The following TMEFF1 variants were observed in gnomAD, a reference collection of about 807,000 sequenced individuals.
TMEFF1 encodes the protein transmembrane protein with EGF like and two follistatin like domains 1, also known as tomoregulin-1.
In TMEFF1, 20 loss-of-function variants were observed where a neutral mutation model predicts 47.5. That is an observed-to-expected ratio of 0.42 (90% confidence interval 0.30 to 0.61). The LOEUF (loss-of-function observed/expected upper bound fraction) is 0.61, where lower values mean the gene tolerates loss of function less well. TMEFF1 is among the 20% of genes least tolerant of loss of function. The probability of loss-of-function intolerance (pLI) is 0.19; values close to 1 mark genes in which losing one functional copy is unlikely to be tolerated. For synonymous variants in TMEFF1, 162 were observed against 166.3 expected (o/e 0.97, Z 0.20); for missense variants, 411 against 471.1 (o/e 0.87, Z 1.18).
chr9:100,501,738 G>A (rs1053849539), intron 2 of TMEFF1, among the ~76,000 whole-genome samples: 2 of 152,014 alleles, frequency 1.3e-5, no homozygotes, highest in African/African-American at 4.8e-5. Context: ...TCCGCCTCCC[G>A]GGTTCAAATG....
chr9:100,529,030 C>T (rs1324258311), intron 5 of TMEFF1, among the ~76,000 whole-genome samples: 2 of 149,780 alleles, frequency 1.3e-5, no homozygotes, highest in Non-Finnish European at 3.0e-5. Flanking sequence ...ACTTTGCAGA[C>T]AAGCAAATGC....
intron 5 of TMEFF1, among the ~76,000 whole-genome samples, chr9:100,533,726 T>C (rs1174290165): frequency 6.6e-6 from 1 of 152,136 alleles, no homozygotes. Flanking sequence ...TTATTTTATT[T>C]ATTTATTTTT....
chr9:100,518,549 GAAATT>G, intron 5 of TMEFF1: 5 of 966,780 alleles, frequency 5.2e-6, no homozygotes, highest in Non-Finnish European at 6.2e-6. Context: ...GTCAGGCAAG[GAAATT>G]GATGCAACAA....
At chr9:100,479,150 G>A (rs534767668) in intron 1 of TMEFF1, among the ~76,000 whole-genome samples, 1 of 152,312 alleles carries the variant, frequency 6.6e-6, no homozygotes, top group Admixed American at 6.5e-5. Flanking sequence ...TCCCTGTTGT[G>A]TAAAATGTGG....
At chr9:100,566,655 A>G (rs1181903657) in intron 8 of TMEFF1, among the ~76,000 whole-genome samples, 1 of 152,152 alleles carries the variant, frequency 6.6e-6, no homozygotes, top group Non-Finnish European at 1.5e-5. Flanking sequence ...TGTATTCTAC[A>G]GTCCATAATC....
At chr9:100,487,504 G>A (rs1837471512) in intron 1 of TMEFF1, among the ~76,000 whole-genome samples, 1 of 152,130 alleles carries the variant, frequency 6.6e-6, no homozygotes, top group Non-Finnish European at 1.5e-5. Flanking sequence ...GTGTTTTCTA[G>A]GTGGTACACT....
Position 100,498,846 on chromosome 9 carries a change from A to G in TMEFF1, c.278A>G (p.Asp93Gly), listed in dbSNP as rs1457268844. ...GGAGGAGTCTGTAAAGAAGATGGAG[A>G]TGGTTTGAAATGTGCATGCCAATTT... ...KYGGVCKEDG[D>G]GLKCACQFQC... The change falls in exon 2 of 10, where the codon GAT becomes GGT. Residue 93 changes from aspartate (D) to glycine (G), a missense_variant. By Grantham distance (94) the Asp-to-Gly change is moderately conservative. Coordinates refer to ENST00000374879, the MANE Select transcript of TMEFF1 (RefSeq NM_003692.5). 4.3e-6 allele frequency: 7 copies of G among 1,613,870 alleles called. No homozygotes were observed. The highest frequency in any genetic ancestry group is 5.9e-6 in the Non-Finnish European group (7 of 1,179,870).
At chr9:100,529,654 AC>A (rs1838338162) in intron 5 of TMEFF1, among the ~76,000 whole-genome samples, 1 of 152,182 alleles carries the variant, frequency 6.6e-6, no homozygotes, top group South Asian at 2.1e-4. Context: ...GAGACTTTTA[AC>A]ACCCCACTGT....
In TMEFF1 at chr9:100,473,685, C is replaced by A; in HGVS notation, c.141C>A (p.Gly47=). 1 of 1,536,706 alleles carries A rather than the reference C, an allele frequency of 6.5e-7. No homozygotes were observed. Among genetic ancestry groups the A allele is most frequent in the Non-Finnish European group, 8.8e-7 (1 of 1,140,782 alleles). The part of the protein sequence containing the change: ...SRASNQPPGG[G]GGSGGDCPGG... ...CGTCCAACCAGCCCCCGGGTGGTGG[C>A]GGCGGCAGCGGCGGGGACTGTCCCG... Residue 47 remains glycine, a synonymous_variant, in exon 1 of 10, where the codon GGC becomes GGA. Coordinates refer to ENST00000374879, the MANE Select transcript of TMEFF1 (RefSeq NM_003692.5). This position sits in a 1 kb window ranked among gnomAD's most constrained non-coding sequence, Gnocchi z 5.4.
intron 5 of TMEFF1, among the ~76,000 whole-genome samples, chr9:100,527,250 A>G (rs1036248707): frequency 2.0e-5 from 3 of 152,222 alleles, no homozygotes; most frequent in Admixed American, 6.5e-5. Context: ...AAGATGGCCG[A>G]ATAGGAACAG....
At chr9:100,510,524 C>T (rs1837942035) in intron 3 of TMEFF1, among the ~76,000 whole-genome samples, 1 of 152,152 alleles carries the variant, frequency 6.6e-6, no homozygotes, top group South Asian at 2.1e-4. Flanking sequence ...GGCTGGAGTG[C>T]AGTGGCACGA....
At chr9:100,530,110 T>TTA (rs1423206281) in intron 5 of TMEFF1, among the ~76,000 whole-genome samples, 8 of 150,380 alleles carry the variant, frequency 5.3e-5, no homozygotes, top group Non-Finnish European at 1.0e-4. Flanking sequence ...AGAGGGAAAT[T>TTA]TATAGCACTA....
At chr9:100,487,318 C>G (rs1837467873) in intron 1 of TMEFF1, among the ~76,000 whole-genome samples, 1 of 152,136 alleles carries the variant, frequency 6.6e-6, no homozygotes, top group East Asian at 1.9e-4. Flanking sequence ...TGCCCACCAC[C>G]ATACCTGGCT....
chr9:100,550,182 A>C, intron 7 of TMEFF1, 22 bp downstream of exon 7: 1 of 1,603,906 alleles, frequency 6.2e-7, no homozygotes, highest in Non-Finnish European at 8.5e-7. Flanking sequence ...TGCATCTCCA[A>C]ATTTTGGCCA....
At chr9:100,547,707 G>T (rs761816497) in intron 5 of TMEFF1, 37 bp from the exon 6 acceptor site, 14 of 1,437,040 alleles carry the variant, frequency 9.7e-6, no homozygotes, top group African/African-American at 1.5e-5. Context: ...AAATATTTTT[G>T]TTGTAAAATA....
intron 1 of TMEFF1, among the ~76,000 whole-genome samples, chr9:100,474,212 G>T (rs1009273066): frequency 6.6e-6 from 1 of 151,482 alleles, no homozygotes; most frequent in African/African-American, 2.4e-5. Context: ...ACCATGTGCT[G>T]ATGTGCTGGG....
intron 8 of TMEFF1, among the ~76,000 whole-genome samples, chr9:100,570,210 T>C (rs929551722): frequency 6.6e-6 from 1 of 152,218 alleles, no homozygotes; most frequent in Non-Finnish European, 1.5e-5. Context: ...ATCCATATCT[T>C]AGCTATTGTG....
intron 6 of TMEFF1, among the ~76,000 whole-genome samples, chr9:100,548,946 G>A (rs1159092257): frequency 6.6e-6 from 1 of 152,084 alleles, no homozygotes; most frequent in East Asian, 1.9e-4. Flanking sequence ...CACCCCAGTG[G>A]GGTGGCATTT....
chr9:100,539,976 T>A (rs1838597450), intron 5 of TMEFF1, among the ~76,000 whole-genome samples: 1 of 152,202 alleles, frequency 6.6e-6, no homozygotes, highest in Non-Finnish European at 1.5e-5. Context: ...CACAGAGCGC[T>A]GATGGGTGTG....
Sources: gnomAD v4.1 joint callset for allele counts (sites outside exome capture counted in the v4.1 genomes callset) on GRCh38, gnomAD v4.1.1 for gene constraint, Gnocchi (gnomAD v3.1) non-coding constraint, MANE v1.5 for transcripts, NCBI Gene and HGNC (gene_info 2026-07-23, HGNC 2026-07-21) for gene names.